Variants in NCOA7 observed in about 807,000 individuals in gnomAD.
NCOA7 encodes nuclear receptor coactivator 7.
In NCOA7, 45 loss-of-function variants were observed where a neutral mutation model predicts 104.3. The ratio of observed to expected loss-of-function variants is 0.43; its 90% CI spans 0.34 to 0.55. The LOEUF (loss-of-function observed/expected upper bound fraction) is 0.55. Among genes scored for constraint, NCOA7 ranks in the 20% least tolerant of loss-of-function variants. The pLI is 0.02. For missense variants in NCOA7, 1,041 were observed against 1,119.7 expected (o/e 0.93, Z 1.00); for synonymous variants, 398 against 402.3 (o/e 0.99, Z 0.13).
chr6:125,811,983 T>C (rs1777055468), intron 1 of NCOA7, among the ~76,000 whole-genome samples: 1 of 152,214 alleles, frequency 6.6e-6, no homozygotes, highest in African/African-American at 2.4e-5. Flanking sequence ...TGGATTTAAA[T>C]TGCTGCCGCA....
intron 2 of NCOA7, among the ~76,000 whole-genome samples, chr6:125,842,334 A>G (rs923385869): frequency 1.3e-5 from 2 of 152,200 alleles, no homozygotes; most frequent in East Asian, 3.8e-4. Flanking sequence ...AGATTTTTCA[A>G]GATAGTATGC....
rs1583576008 is a variant in NCOA7, at chr6:125,929,815, C to G, written c.*1044C>G. 1 of 152,078 alleles carries G rather than the reference C, an allele frequency of 6.6e-6. No homozygotes were observed. 9.4% of individuals were successfully genotyped at this position (152,078 alleles called of 1,614,324 possible). A position where few individuals can be genotyped will look rare whatever the true frequency, so the allele number is the denominator to read the frequency against. ...ACAAAAACTTTATTTTCGGAGTGTTCTTTGTATAACTTTTCCAAGCTTTTA... is the reference window on the plus strand; with the variant it reads ...ACAAAAACTTTATTTTCGGAGTGTTGTTTGTATAACTTTTCCAAGCTTTTA... On this transcript the variant is annotated 3_prime_UTR_variant, in exon 16 of 16. Coordinates refer to ENST00000392477, the MANE Select transcript of NCOA7 (RefSeq NM_181782.5).
At position 125,928,895 on chromosome 6, in the gene NCOA7, A is replaced by G. The variant is rs1288911519; in HGVS notation, c.*124A>G. On this transcript the variant is annotated 3_prime_UTR_variant, in exon 16 of 16. Transcript: ENST00000392477. ...CCCACCCCAATGCTTCCTTTCTGCC[A>G]TCATCTCAGAGCATGATCACATTGC... is the stretch of plus-strand genomic sequence containing the variant. The G allele has an allele frequency of 4.9e-6, 5 of 1,028,728 alleles. No individual in the cohort carries two copies. Among genetic ancestry groups the G allele is most frequent in the Admixed American group, 2.9e-5 (1 of 34,420 alleles). 63.7% of individuals were successfully genotyped at this position (1,028,728 alleles called of 1,614,324 possible).
intron 2 of NCOA7, among the ~76,000 whole-genome samples, chr6:125,835,988 A>G (rs1779578763): frequency 6.6e-6 from 1 of 152,230 alleles, no homozygotes; most frequent in Non-Finnish European, 1.5e-5. Context: ...TGATTTGACA[A>G]GATAACCTTT....
intron 10 of NCOA7, among the ~76,000 whole-genome samples, chr6:125,905,566 A>G (rs2128676686): frequency 6.6e-6 from 1 of 152,282 alleles, no homozygotes; most frequent in South Asian, 2.1e-4. Context: ...CCAGTCAGGA[A>G]TAAGATTTTA....
At chr6:125,803,351 T>A (rs1259563026) in intron 1 of NCOA7, among the ~76,000 whole-genome samples, 1 of 152,224 alleles carries the variant, frequency 6.6e-6, no homozygotes, top group Non-Finnish European at 1.5e-5. Flanking sequence ...ATCTCCCTTG[T>A]CAAAAATTGA....
Position 125,928,849 on chromosome 6 carries a change from C to T in NCOA7, c.*78C>T. On this transcript the variant is annotated 3_prime_UTR_variant, in exon 16 of 16. Coordinates refer to ENST00000392477, the MANE Select transcript of NCOA7 (RefSeq NM_181782.5). ...TCCTAAAGCTGGCTGGAAAAAGAAG[C>T]CCCAGCCCAGCCTGCCTCATCCCAC... is the stretch of plus-strand genomic sequence containing the variant. 1 of 1,494,700 alleles carries T rather than the reference C, an allele frequency of 6.7e-7. No homozygotes were observed. The allele number at this position is 1,494,700 out of a possible 1,614,324, so 92.6% of individuals were successfully genotyped here.
At chr6:125,885,466 G>A (rs1398907427) in intron 8 of NCOA7, 123 bp downstream of exon 8, 14 of 806,596 alleles carry the variant, frequency 1.7e-5, no homozygotes, top group Non-Finnish European at 2.5e-5. Flanking sequence ...TGGAAGACTT[G>A]TGCACTGAAG....
At position 125,931,452 on chromosome 6, in the gene NCOA7, T is replaced by G. The variant is rs1273187931; in HGVS notation, c.*2681T>G. 6.6e-6 allele frequency: 1 copy of G among 152,196 alleles called. No homozygotes were observed. The highest frequency in any genetic ancestry group is 2.4e-5 in the African/African-American group (1 of 41,438). The allele number at this position is 152,196 out of a possible 1,614,324, so 9.4% of individuals were successfully genotyped here. A position where few individuals can be genotyped will look rare whatever the true frequency, so the allele number is the denominator to read the frequency against. Reference sequence around the variant, plus strand: ...AGGGACACTTTACTCTCTGATAAATTTTCTTTGGCATCCTGACACCTAGCC... The same window carrying G: ...AGGGACACTTTACTCTCTGATAAATGTTCTTTGGCATCCTGACACCTAGCC... On this transcript the variant is annotated 3_prime_UTR_variant, in exon 16 of 16. Transcript: ENST00000392477.
At chr6:125,917,286 G>A (rs1206498070) in intron 11 of NCOA7, among the ~76,000 whole-genome samples, 1 of 152,090 alleles carries the variant, frequency 6.6e-6, no homozygotes, top group African/African-American at 2.4e-5. Context: ...AAGCTCCTTC[G>A]TGGCATCAGG....
intron 1 of NCOA7, among the ~76,000 whole-genome samples, chr6:125,797,269 A>G (rs1446119652): frequency 2.0e-5 from 3 of 152,294 alleles, no homozygotes; most frequent in Admixed American, 1.3e-4. Context: ...AGTGACTCCT[A>G]AGTAGGTGAA....
chr6:125,900,757 G>GT (rs1785425327), intron 10 of NCOA7, among the ~76,000 whole-genome samples: 1 of 152,010 alleles, frequency 6.6e-6, no homozygotes, highest in Admixed American at 6.6e-5. Context: ...AGAGTAGTTG[G>GT]TTTGTAAATA....
chr6:125,844,066 T>G (rs973388053), intron 2 of NCOA7, among the ~76,000 whole-genome samples: 3 of 152,244 alleles, frequency 2.0e-5, no homozygotes, highest in South Asian at 4.1e-4. Context: ...CGGGGTCTTC[T>G]AAGACCTGCT....
chr6:125,830,531 A>T lies in NCOA7; in HGVS notation c.50+15127A>T, dbSNP rs961766220. Among the ~76,000 whole-genome samples the T allele has an allele frequency of 5.9e-5, 9 of 152,196 alleles. No homozygotes were observed. In the South Asian group the frequency reaches 6.2e-4, roughly 11 times the overall value. ...TAGTGAGACCTTGTGTCTACAAAAA[A>T]TTTTTTTAAATTACCAGGCATGGTG... On this transcript the variant is annotated intron_variant, in intron 2 of 15. Coordinates refer to ENST00000392477, the MANE Select transcript of NCOA7 (RefSeq NM_181782.5).
intron 10 of NCOA7, among the ~76,000 whole-genome samples, chr6:125,895,970 TG>T (rs1784975744): frequency 7.5e-6 from 1 of 134,164 alleles, no homozygotes; most frequent in Non-Finnish European, 1.5e-5. Flanking sequence ...TATATATGTG[TG>T]TGTGTGTGTG....
chr6:125,834,846 C>T (rs188893758), intron 2 of NCOA7, among the ~76,000 whole-genome samples: 3 of 152,220 alleles, frequency 2.0e-5, no homozygotes, highest in Non-Finnish European at 4.4e-5. Context: ...AAGTGATGTG[C>T]CAGGAATTCT....
At chr6:125,882,630 G>A (rs765386601) in intron 7 of NCOA7, 79 bp downstream of exon 7, 10 of 1,522,888 alleles carry the variant, frequency 6.6e-6, no homozygotes, top group Non-Finnish European at 8.9e-6. Flanking sequence ...TGGAACAGAG[G>A]CTACATTAAA....
intron 1 of NCOA7, among the ~76,000 whole-genome samples, chr6:125,800,853 C>G (rs1226841821): frequency 6.6e-6 from 1 of 152,168 alleles, no homozygotes. Flanking sequence ...ATGGTGAAAC[C>G]CTGTCTCTAC....
At chr6:125,873,693 C>CTA (rs1176830672) in intron 3 of NCOA7, among the ~76,000 whole-genome samples, 1 of 152,154 alleles carries the variant, frequency 6.6e-6, no homozygotes. Flanking sequence ...GTCATATGAG[C>CTA]TATATATACT....
Sources: allele counts gnomAD v4.1 joint callset (sites outside exome capture counted in the v4.1 genomes callset), GRCh38; gene constraint gnomAD v4.1.1; transcripts MANE v1.5; gene names NCBI Gene and HGNC (gene_info 2026-07-23, HGNC 2026-07-21).